Variants in DNAH2 observed in about 807,000 individuals in gnomAD.
DNAH2 encodes dynein axonemal heavy chain 2.
DNAH2 carries 323 observed loss-of-function variants against 523.5 expected under a neutral mutation model. The ratio of observed to expected loss-of-function variants is 0.62; its 90% CI spans 0.56 to 0.68. DNAH2 has a LOEUF of 0.68. Ranked by LOEUF, DNAH2 falls within the 30% of genes least tolerant of loss-of-function variation. DNAH2 has a pLI of 0.00. For synonymous variants in DNAH2, 2,093 were observed against 2,177.4 expected (o/e 0.96, Z 1.08); for missense variants, 4,907 against 5,701.5 (o/e 0.86, Z 4.49).
Position 7,833,465 on chromosome 17 carries a change from T to C in DNAH2, c.13216T>C (p.Ser4406Pro), listed in dbSNP as rs2078253782. The C allele has an allele frequency of 6.2e-7, 1 of 1,614,080 alleles. No homozygotes were observed. The highest frequency in any genetic ancestry group is 8.5e-7 in the Non-Finnish European group (1 of 1,180,004). ...ASFVIGIDLR[S>P]GAMTPDHWIK... ...CTTTGTCATCGGCATTGACCTGCGG[T>C]CTGGGGCCATGACACCTGATCATTG... The change falls in exon 86 of 86, where the codon TCT becomes CCT. Residue 4406 changes from serine (S) to proline (P), a missense_variant. By Grantham distance (74) the Ser-to-Pro change is moderately conservative. Around this residue, in one of 3 missense-constraint regions of DNAH2, gnomAD observed 1,851 missense variants for 2,139.4 expected, o/e 0.87. Coordinates refer to ENST00000572933, the MANE Select transcript of DNAH2 (RefSeq NM_020877.5).
chr17:7,798,576 G>A lies in DNAH2; in HGVS notation c.8417G>A (p.Arg2806His), dbSNP rs141593445. 8.1e-5 allele frequency: 130 copies of A among 1,613,948 alleles called. No individual in the cohort carries two copies. Among genetic ancestry groups the A allele is most frequent in the Non-Finnish European group, 9.6e-5 (113 of 1,180,034 alleles). The change falls in exon 55 of 86, where the codon CGC becomes CAC. Residue 2806 changes from arginine to histidine, a missense_variant. By Grantham distance (29) the Arg-to-His change is conservative (BLOSUM62 0). This residue lies in a region of DNAH2 where 1,851 missense variants were observed against 2,139.4 expected (regional missense o/e 0.87). Transcript: ENST00000572933. The surrounding 1 kb of genome is among the most constrained non-coding windows in gnomAD (Gnocchi z 5.5). Reference protein sequence around the residue: ...EFRDDIKRLYRQAGVELKTTS... With the variant: ...EFRDDIKRLYHQAGVELKTTS... ...CGGCCAGATATCAAGCGTCTGTATCGCCAGGCTGGGGTGGAGCTCAAGACC... is the reference window on the plus strand; with the variant it reads ...CGGCCAGATATCAAGCGTCTGTATCACCAGGCTGGGGTGGAGCTCAAGACC...
chr17:7,766,755 C>A (rs1440017540), intron 22 of DNAH2, among the ~76,000 whole-genome samples: 1 of 142,150 alleles, frequency 7.0e-6, no homozygotes, highest in African/African-American at 2.6e-5. Context: ...TCAAGCGATT[C>A]TCATGCCTCA....
At position 7,805,284 on chromosome 17, in the gene DNAH2, A is replaced by T; in HGVS notation, c.9333A>T (p.Gly3111=). 6.2e-7 allele frequency: 1 copy of T among 1,614,232 alleles called. No homozygotes were observed. Among genetic ancestry groups the T allele is most frequent in the Non-Finnish European group, 8.5e-7 (1 of 1,180,040 alleles). Residue 3111 remains glycine, a synonymous_variant, in exon 61 of 86, where the codon GGA becomes GGT. Coordinates refer to ENST00000572933, the MANE Select transcript of DNAH2 (RefSeq NM_020877.5). ...ALESLNKKDI[G]EIKSYGRPPA... ...AGTCTCTGAACAAGAAGGATATAGG[A>T]GAGATCAAGTCTTATGGACGGCCCC...
In DNAH2 at chr17:7,807,598, G is replaced by T; in HGVS notation, c.9729+12G>T. ...AGAAGCTGCGGGAGGTGAGCTGATC[G>T]CCTGTCCTTTCCACGGAGGTCCCTC... On this transcript the variant is annotated intron_variant, in intron 63 of 85. Transcript: ENST00000572933. The surrounding 1 kb of genome is among the most constrained non-coding windows in gnomAD (Gnocchi z 5.6). 6.2e-7 allele frequency: 1 copy of T among 1,606,346 alleles called. No homozygotes were observed. Among genetic ancestry groups the T allele is most frequent in the Non-Finnish European group, 8.5e-7 (1 of 1,177,476 alleles).
At position 7,739,733 on chromosome 17, in the gene DNAH2, G is replaced by A; in HGVS notation, c.1171G>A (p.Val391Ile). ...ACCCTCATGCTGTCTTCTTTTTTAG[G>A]TATGTGACTGTCAGTATCACTTCGC... ...RERLTSLFRKVCDCQYHFARW... is the reference protein window; with the variant it reads ...RERLTSLFRKICDCQYHFARW... Residue 391 changes from valine (V) to isoleucine (I), a missense_variant and splice_region_variant, in exon 9 of 86, where the codon GTA (valine) becomes ATA (isoleucine). Physicochemically the swap from Val to Ile is conservative, Grantham distance 29 (BLOSUM62 3). Transcript: ENST00000572933. 1.9e-6 allele frequency: 3 copies of A among 1,611,630 alleles called. No homozygotes were observed. The highest frequency in any genetic ancestry group is 2.5e-6 in the Non-Finnish European group (3 of 1,179,902).
At chr17:7,822,430 T>G (rs1197968410) in intron 73 of DNAH2, among the ~76,000 whole-genome samples, 1 of 152,134 alleles carries the variant, frequency 6.6e-6, no homozygotes, top group Non-Finnish European at 1.5e-5. Context: ...TGGCCATGCC[T>G]TCTGCTGGAA....
intron 11 of DNAH2, among the ~76,000 whole-genome samples, chr17:7,742,184 C>G (rs973974849): frequency 7.9e-5 from 12 of 152,008 alleles, no homozygotes; most frequent in African/African-American, 2.9e-4. Flanking sequence ...AATCCCAGCA[C>G]TTTGGGAGGC....
chr17:7,727,406 C>T, intron 4 of DNAH2, 114 bp downstream of exon 4: 2 of 1,376,818 alleles, frequency 1.5e-6, no homozygotes, highest in Admixed American at 2.8e-5. Flanking sequence ...TATTGAGCCC[C>T]ACTGTGTCAG....
intron 48 of DNAH2, 74 bp downstream of exon 48, chr17:7,793,279 C>G: frequency 6.7e-7 from 1 of 1,485,398 alleles, no homozygotes; most frequent in Non-Finnish European, 9.1e-7. Context: ...TCCACTGGGG[C>G]CCCAGGCTAT....
In DNAH2 at chr17:7,740,992, CG is replaced by C; in HGVS notation, c.1689+1del. Reference sequence around the variant, plus strand: ...GGCGTCGCATCGACAGAGTCATGACCGTAAGTGCCTGGCCTTCTCCATATTC... The same window carrying C: ...GGCGTCGCATCGACAGAGTCATGACCTAAGTGCCTGGCCTTCTCCATATTC... On this transcript the variant is annotated splice_donor_variant, in intron 11 of 85. Transcript: ENST00000572933. LOFTEE classifies it high-confidence loss of function. 6.3e-7 allele frequency: 1 copy of C among 1,595,360 alleles called. No individual in the cohort carries two copies. Among genetic ancestry groups the C allele is most frequent in the South Asian group, 1.1e-5 (1 of 90,442 alleles).
In DNAH2 at chr17:7,828,376, A is replaced by G. The variant is rs1397001856; in HGVS notation, c.11854-1924A>G. Among the ~76,000 whole-genome samples the G allele has an allele frequency of 6.6e-6, 1 of 152,096 alleles. No homozygotes were observed. The highest frequency in any genetic ancestry group is 1.5e-5 in the Non-Finnish European group (1 of 68,028). ...TTGTTCTATTAAAAAAATTCTATTC[A>G]TCAGTTTGGGGAAAATTCACATCCT... On this transcript the variant is annotated intron_variant, in intron 77 of 85. Transcript: ENST00000572933. This position sits in a 1 kb window ranked among gnomAD's most constrained non-coding sequence, Gnocchi z 4.1.
intron 12 of DNAH2, chr17:7,755,098 T>C (rs1381738063): frequency 5.0e-6 from 1 of 198,382 alleles, no homozygotes; most frequent in Admixed American, 5.8e-5. Context: ...CAGCTGGAAG[T>C]GGATGGAATT....
intron 46 of DNAH2, 121 bp downstream of exon 46, chr17:7,792,464 AG>A: frequency 8.8e-7 from 1 of 1,138,790 alleles, no homozygotes; most frequent in Admixed American, 2.0e-5. Flanking sequence ...GTCCCAGAGA[AG>A]GGCTGCCTCT....
chr17:7,783,320 G>A (rs977870716), intron 39 of DNAH2, among the ~76,000 whole-genome samples: 2 of 151,902 alleles, frequency 1.3e-5, no homozygotes, highest in Non-Finnish European at 2.9e-5. Flanking sequence ...CAGGTGATCC[G>A]CCTGCCTCAG....
Position 7,780,273 on chromosome 17 carries a change from G to A in DNAH2, c.5839G>A (p.Gly1947Ser). ...AEIILFGEGF[G>S]NCKILAKKVY... ...AATCATTCTCTTTGGAGAGGGCTTTGGCAACTGCAAGGTACTCCAATAACC... is the reference window on the plus strand; with the variant it reads ...AATCATTCTCTTTGGAGAGGGCTTTAGCAACTGCAAGGTACTCCAATAACC... The change falls in exon 37 of 86, where the codon GGC (glycine) becomes AGC (serine). Residue 1947 changes from glycine (G) to serine (S), a missense_variant. By Grantham distance (56) the Gly-to-Ser change is moderately conservative. Coordinates refer to ENST00000572933, the MANE Select transcript of DNAH2 (RefSeq NM_020877.5). This position sits in a 1 kb window ranked among gnomAD's most constrained non-coding sequence, Gnocchi z 4.4. The A allele has an allele frequency of 6.2e-7, 1 of 1,614,070 alleles. No individual in the cohort carries two copies. Among genetic ancestry groups the A allele is most frequent in the Non-Finnish European group, 8.5e-7 (1 of 1,180,012 alleles).
At chr17:7,719,561 A>C (rs534363230) in intron 1 of DNAH2, among the ~76,000 whole-genome samples, 160 bp from the exon 2 acceptor site, 1 of 152,358 alleles carries the variant, frequency 6.6e-6, no homozygotes, top group East Asian at 1.9e-4. Flanking sequence ...TGTGGAGTAC[A>C]GAGCCCTTGT....
At position 7,830,735 on chromosome 17, in the gene DNAH2, C is replaced by T. The variant is rs200556134; in HGVS notation, c.12123C>T (p.Ala4041=). The change falls in exon 79 of 86, where the codon GCC becomes GCT. Residue 4041 remains alanine, a synonymous_variant. Transcript: ENST00000572933. ...TPWDALKYLI[A]GINYGGHVTD... ...GGGACGCACTTAAGTACCTCATTGC[C>T]GGCATCAACTATGGTGGACATGTCA... is the stretch of plus-strand genomic sequence containing the variant. The T allele has an allele frequency of 5.6e-5, 90 of 1,614,158 alleles. No homozygotes were observed. The highest frequency in any genetic ancestry group is 4.9e-5 in the Non-Finnish European group (58 of 1,180,032).
rs370657114 is a variant in DNAH2, at chr17:7,719,889, A to G, written c.155A>G (p.Lys52Arg). 2.9e-5 allele frequency: 45 copies of G among 1,551,722 alleles called. No homozygotes were observed. The African/African-American group carries it at 6.0e-4, about 21-fold the overall frequency. ...CCAGAGCTGCAGGCTGAGCTCCCCAAGGAGGAGCCTGGTGGGTACTTGCTG... is the reference window on the plus strand; with the variant it reads ...CCAGAGCTGCAGGCTGAGCTCCCCAGGGAGGAGCCTGGTGGGTACTTGCTG... ...SEPELQAELP[K>R]EEPEPRLEGP... is the part of the protein sequence containing the mutation. The change falls in exon 2 of 86, where the codon AAG becomes AGG. Residue 52 changes from lysine (K) to arginine (R), a missense_variant. Physicochemically the swap from Lys to Arg is conservative, Grantham distance 26. This residue lies in a region of DNAH2 where 2,806 missense variants were observed against 3,190.8 expected (regional missense o/e 0.88). Transcript: ENST00000572933.
intron 3 of DNAH2, among the ~76,000 whole-genome samples, chr17:7,725,891 T>C (rs2074793211): frequency 6.6e-6 from 1 of 150,378 alleles, no homozygotes; most frequent in African/African-American, 2.4e-5. Context: ...TCACTATTAA[T>C]TTTTCTTGAC....
Sources: allele counts gnomAD v4.1 joint callset (sites outside exome capture counted in the v4.1 genomes callset), GRCh38; gene constraint gnomAD v4.1.1; regional missense constraint gnomAD v4.1.1; non-coding constraint Gnocchi (gnomAD v3.1); transcripts MANE v1.5; gene names NCBI Gene and HGNC (gene_info 2026-07-23, HGNC 2026-07-21).